The following CDH12 variants were observed in gnomAD, a reference collection of about 807,000 sequenced individuals.
The protein encoded by CDH12 is cadherin-12.
Under a neutral mutation model 74.1 loss-of-function variants are expected in CDH12, and 41 were observed. The observed-to-expected ratio is 0.55, with a 90% CI of 0.43 to 0.72. CDH12 has a LOEUF of 0.72. CDH12 is among the 30% of genes least tolerant of loss of function. The probability of loss-of-function intolerance (pLI) is 0.00; values close to 1 mark genes in which losing one functional copy is unlikely to be tolerated. For synonymous variants in CDH12, 399 were observed against 355.0 expected, an observed-to-expected ratio of 1.12 and a Z score of -1.39; for missense variants, 945 against 977.2, an observed-to-expected ratio of 0.97 and a Z score of 0.44.
At chr5:22,513,245 A>C (rs952262671) in intron 1 of CDH12, among the ~76,000 whole-genome samples, 4 of 152,142 alleles carry the variant, frequency 2.6e-5, no homozygotes, top group African/African-American at 7.2e-5. Flanking sequence ...TCCACCACCA[A>C]CAACAAACAA....
chr5:22,502,204 T>A (rs908294559), intron 2 of CDH12, among the ~76,000 whole-genome samples: 1 of 152,126 alleles, frequency 6.6e-6, no homozygotes, highest in Non-Finnish European at 1.5e-5. Flanking sequence ...GGTAATTGAA[T>A]CATGGGGTGG....
chr5:21,918,441 C>A lies in CDH12; in HGVS notation c.526+56650G>T, dbSNP rs76938420. Among the ~76,000 whole-genome samples the A allele has an allele frequency of 3.4e-3, 515 of 151,914 alleles. 12 individuals carry two copies. In the East Asian group the frequency reaches 0.048, roughly 14 times the overall value. The stretch of plus-strand genomic sequence containing the variant: ...CTCATGCTGCTAATAAAGACATACC[C>A]GAGGCTGGGTAATTTATAAAGGAAA... On this transcript the variant is annotated intron_variant, in intron 6 of 14. Transcript: ENST00000382254.
chr5:22,518,417 C>T (rs1361193504), intron 1 of CDH12, among the ~76,000 whole-genome samples: 1 of 152,158 alleles, frequency 6.6e-6, no homozygotes, highest in Non-Finnish European at 1.5e-5. Context: ...TTTATATCAT[C>T]ACTCATCCAT....
intron 4 of CDH12, among the ~76,000 whole-genome samples, chr5:22,125,050 CT>C (rs1561137640): frequency 6.6e-6 from 1 of 151,720 alleles, no homozygotes; most frequent in African/African-American, 2.4e-5. Context: ...GAGTGGGTTA[CT>C]TTTTTTTAAG....
At chr5:22,289,883 A>G (rs1737308370) in intron 3 of CDH12, among the ~76,000 whole-genome samples, 9 of 152,126 alleles carry the variant, frequency 5.9e-5, no homozygotes, top group Admixed American at 5.9e-4. Flanking sequence ...GAGCCAGGCA[A>G]GACCACAGAG....
chr5:22,175,697 A>G (rs866951330), intron 4 of CDH12, among the ~76,000 whole-genome samples: 1 of 152,150 alleles, frequency 6.6e-6, no homozygotes, highest in Non-Finnish European at 1.5e-5. Flanking sequence ...AGGTCAACCT[A>G]CAACAGAAAG....
At chr5:22,179,083 G>A (rs1366749680) in intron 4 of CDH12, among the ~76,000 whole-genome samples, 3 of 152,184 alleles carry the variant, frequency 2.0e-5, no homozygotes, top group Non-Finnish European at 2.9e-5. Flanking sequence ...TCTCATAAAT[G>A]TTGAGTACTG....
At chr5:22,313,439 C>G (rs1738474237) in intron 3 of CDH12, among the ~76,000 whole-genome samples, 1 of 152,134 alleles carries the variant, frequency 6.6e-6, no homozygotes, top group Admixed American at 6.5e-5. Context: ...GAGTAGAAGA[C>G]TAATATTATA....
intron 1 of CDH12, among the ~76,000 whole-genome samples, chr5:22,554,715 C>A (rs1421499898): frequency 6.6e-6 from 1 of 152,004 alleles, no homozygotes; most frequent in Non-Finnish European, 1.5e-5. Flanking sequence ...TATCTGCTAG[C>A]ATAAAGTGAC....
intron 5 of CDH12, 111 bp from the exon 6 acceptor site, chr5:21,975,496 T>TAA (rs1178388221): frequency 2.0e-5 from 13 of 660,038 alleles, no homozygotes; most frequent in Admixed American, 3.3e-5. Flanking sequence ...ACAATTCCTT[T>TAA]AATCAAAAAT....
chr5:22,744,292 G>C (rs1745184622), intron 1 of CDH12, among the ~76,000 whole-genome samples: 7 of 152,044 alleles, frequency 4.6e-5, no homozygotes, highest in Admixed American at 4.6e-4. Context: ...AGCCGGGCAT[G>C]GTGGCGGGAA....
intron 13 of CDH12, among the ~76,000 whole-genome samples, chr5:21,757,921 CA>C (rs1744494208): frequency 6.6e-6 from 1 of 152,156 alleles, no homozygotes; most frequent in Non-Finnish European, 1.5e-5. Flanking sequence ...TCTTCACAGT[CA>C]GTACCCTAAT....
chr5:22,623,092 A>T (rs1479639213), intron 1 of CDH12, among the ~76,000 whole-genome samples: 1 of 152,244 alleles, frequency 6.6e-6, no homozygotes, highest in Non-Finnish European at 1.5e-5. Flanking sequence ...CAATAGATGC[A>T]GAAAAGGCCT....
At chr5:22,442,838 C>A (rs1744679366) in intron 2 of CDH12, among the ~76,000 whole-genome samples, 1 of 152,116 alleles carries the variant, frequency 6.6e-6, no homozygotes, top group South Asian at 2.1e-4. Context: ...AAGAGTACTT[C>A]TGGTTCGCAA....
chr5:22,182,124 T>A lies in CDH12; in HGVS notation c.-187+30374A>T, dbSNP rs1206376364. Among the ~76,000 whole-genome samples the A allele has an allele frequency of 3.9e-5, 6 of 152,136 alleles. No homozygotes were observed. In the South Asian group the frequency reaches 1.0e-3, roughly 26 times the overall value. On this transcript the variant is annotated intron_variant, in intron 4 of 14. Coordinates refer to ENST00000382254, the MANE Select transcript of CDH12 (RefSeq NM_004061.5). ...TTTATAGTTTTTACGACCTGAACAA[T>A]TAGTCACATTCTCTTATTTCTTCTC...
intron 9 of CDH12, among the ~76,000 whole-genome samples, chr5:21,806,633 G>C (rs1217822315): frequency 1.3e-5 from 2 of 152,152 alleles, no homozygotes; most frequent in African/African-American, 4.8e-5. Context: ...TAAATAATTT[G>C]TTTGCCTTTT....
At chr5:21,962,290 G>C (rs1046222478) in intron 6 of CDH12, among the ~76,000 whole-genome samples, 1 of 151,936 alleles carries the variant, frequency 6.6e-6, no homozygotes, top group Non-Finnish European at 1.5e-5. Context: ...TCTTTTGTTT[G>C]AGATTAGATA....
chr5:22,309,735 T>A (rs551561449), intron 3 of CDH12, among the ~76,000 whole-genome samples: 1 of 152,174 alleles, frequency 6.6e-6, no homozygotes, highest in African/African-American at 2.4e-5. Flanking sequence ...GTTTATTATA[T>A]TTTAAGGTTA....
At chr5:22,436,148 C>T (rs965523574) in intron 2 of CDH12, among the ~76,000 whole-genome samples, 2 of 150,876 alleles carry the variant, frequency 1.3e-5, no homozygotes, top group Non-Finnish European at 1.5e-5. Flanking sequence ...AACCATCATT[C>T]TCAGCAAACT....
Sources: gnomAD v4.1 joint callset for allele counts (sites outside exome capture counted in the v4.1 genomes callset) on GRCh38, gnomAD v4.1.1 for gene constraint, MANE v1.5 for transcripts, NCBI Gene and HGNC (gene_info 2026-07-23, HGNC 2026-07-21) for gene names.